ULK4: variants seen among roughly 807,000 people sequenced by gnomAD.
The protein encoded by ULK4 is inactive serine/threonine-protein kinase ULK4.
In ULK4, 133 loss-of-function variants were observed where a neutral mutation model predicts 160.6. That is an observed-to-expected ratio of 0.83 (90% confidence interval 0.72 to 0.96). The LOEUF is 0.96. Ranked by LOEUF, ULK4 falls within the 40% of genes least tolerant of loss-of-function variation. ULK4 has a pLI of 0.00. For synonymous variants in ULK4, 534 were observed against 539.8 expected (o/e 0.99, Z 0.15); for missense variants, 1,580 against 1,499.5 (o/e 1.05, Z -0.89).
At chr3:41,558,159 A>G (rs1034174064) in intron 32 of ULK4, among the ~76,000 whole-genome samples, 3 of 152,178 alleles carry the variant, frequency 2.0e-5, no homozygotes, top group Non-Finnish European at 4.4e-5. Flanking sequence ...ATACATGTAT[A>G]AAACTATTCA....
chr3:41,916,856 T>G (rs1698985848), intron 7 of ULK4, among the ~76,000 whole-genome samples: 1 of 152,018 alleles, frequency 6.6e-6, no homozygotes, highest in South Asian at 2.1e-4. Context: ...TACAGGCATG[T>G]GCCACCATGC....
intron 32 of ULK4, among the ~76,000 whole-genome samples, chr3:41,497,057 T>C (rs2085018524): frequency 8.5e-6 from 1 of 117,752 alleles, no homozygotes; most frequent in Non-Finnish European, 1.9e-5. Context: ...AAAAAAAAGA[T>C]ATTAAATAGA....
intron 21 of ULK4, among the ~76,000 whole-genome samples, chr3:41,780,458 A>T (rs1439195812): frequency 6.6e-6 from 1 of 152,162 alleles, no homozygotes. Flanking sequence ...TTTAGAGTCA[A>T]CGAAGCACAC....
chr3:41,825,715 A>G (rs1235308403), intron 18 of ULK4, among the ~76,000 whole-genome samples: 4 of 152,320 alleles, frequency 2.6e-5, no homozygotes, highest in South Asian at 2.1e-4. Flanking sequence ...GGAGAATGGA[A>G]CCAAGCTGGA....
chr3:41,608,262 G>A (rs932053154), intron 31 of ULK4, among the ~76,000 whole-genome samples: 1 of 152,024 alleles, frequency 6.6e-6, no homozygotes, highest in Non-Finnish European at 1.5e-5. Flanking sequence ...TTGCAGCTCT[G>A]GGTAAGCACA....
At chr3:41,480,961 C>T (rs574632800) in intron 32 of ULK4, among the ~76,000 whole-genome samples, 18 of 152,246 alleles carry the variant, frequency 1.2e-4, no homozygotes, top group African/African-American at 4.3e-4. Flanking sequence ...CAGGTCCCTC[C>T]CATGACATGT....
chr3:41,878,086 A>G (rs865817813), intron 17 of ULK4, among the ~76,000 whole-genome samples: 6,556 of 150,828 alleles, frequency 0.043, 456 homozygotes, highest in African/African-American at 0.15. Context: ...ACCAGGAAAA[A>G]AAAAAAAAAA....
chr3:41,592,235 G>GGAGCTGAGTCAATTTAGA (rs551315830), intron 31 of ULK4, among the ~76,000 whole-genome samples: 192 of 152,294 alleles, frequency 1.3e-3, no homozygotes, highest in East Asian at 6.0e-3. Flanking sequence ...ACTTTTACCT[G>GGAGCTGAGTCAATTTAGA]GAGCTGAGTC....
Position 41,327,267 on chromosome 3 carries a change from T to C in ULK4, c.3678+70812A>G, listed in dbSNP as rs537565054. ...AACGTGTCTTGTTACAGAAAGTCCA[T>C]AGGGTACTTTCAGGAGCAAATTACA... is the stretch of plus-strand genomic sequence containing the variant. On this transcript the variant is annotated intron_variant, in intron 35 of 36. Coordinates refer to ENST00000301831, the MANE Select transcript of ULK4 (RefSeq NM_017886.4). 6.2e-4 allele frequency among the ~76,000 whole-genome samples: 95 copies of C among 152,274 alleles called. 1 individual carries two copies. The highest frequency in any genetic ancestry group is 1.8e-3 in the Admixed American group (27 of 15,294).
chr3:41,936,697 G>A (rs1016967194), intron 3 of ULK4, among the ~76,000 whole-genome samples: 10 of 152,164 alleles, frequency 6.6e-5, no homozygotes, highest in African/African-American at 2.2e-4. Context: ...TCACTCATTT[G>A]TGGGAGCTGA....
At chr3:41,304,273 CA>C (rs368282598) in intron 35 of ULK4, among the ~76,000 whole-genome samples, 79 of 89,698 alleles carry the variant, frequency 8.8e-4, no homozygotes, top group Middle Eastern at 6.3e-3. Flanking sequence ...AGCTCCCCCT[CA>C]AAAAAAAAAA....
chr3:41,791,196 G>A (rs932062115), intron 20 of ULK4, among the ~76,000 whole-genome samples: 5 of 152,066 alleles, frequency 3.3e-5, no homozygotes, highest in Admixed American at 6.6e-5. Flanking sequence ...GGGTTTCACC[G>A]TGTTAGCCAG....
chr3:41,498,556 G>C (rs1417639386), intron 32 of ULK4, among the ~76,000 whole-genome samples: 1 of 143,510 alleles, frequency 7.0e-6, no homozygotes, highest in African/African-American at 2.5e-5. Context: ...ACAAACATTA[G>C]AGAGCTTCTT....
chr3:41,565,159 G>T (rs2087741782), intron 32 of ULK4, among the ~76,000 whole-genome samples: 1 of 152,164 alleles, frequency 6.6e-6, no homozygotes, highest in East Asian at 1.9e-4. Flanking sequence ...ACAAGCTGTG[G>T]TATTCACACA....
At chr3:41,823,690 A>G (rs988929754) in intron 18 of ULK4, among the ~76,000 whole-genome samples, 2 of 152,158 alleles carry the variant, frequency 1.3e-5, no homozygotes, top group Admixed American at 6.5e-5. Flanking sequence ...CTGAGATTTT[A>G]ATGTTTATTG....
intron 35 of ULK4, among the ~76,000 whole-genome samples, chr3:41,256,937 C>G (rs1414670186): frequency 6.6e-6 from 1 of 152,114 alleles, no homozygotes; most frequent in African/African-American, 2.4e-5. Context: ...TTACTGTAAC[C>G]TCATACTCCT....
chr3:41,538,527 G>C (rs1293226199), intron 32 of ULK4, among the ~76,000 whole-genome samples: 1 of 151,950 alleles, frequency 6.6e-6, no homozygotes, highest in Non-Finnish European at 1.5e-5. Flanking sequence ...ATTTCATATG[G>C]GTCCCAGGGT....
At chr3:41,835,099 AC>A (rs2041714015) in intron 18 of ULK4, among the ~76,000 whole-genome samples, 2 of 152,122 alleles carry the variant, frequency 1.3e-5, no homozygotes, top group African/African-American at 4.8e-5. Context: ...AGTCCCAGCT[AC>A]CCAGGAGGCT....
intron 31 of ULK4, 43 bp from the exon 32 acceptor site, chr3:41,566,173 A>T (rs771649751): frequency 4.0e-6 from 6 of 1,515,324 alleles, no homozygotes; most frequent in Non-Finnish European, 5.5e-6. Context: ...ACAGAAATAC[A>T]ATTACATCAT....
Sources: gnomAD v4.1 joint callset for allele counts (sites outside exome capture counted in the v4.1 genomes callset) on GRCh38, gnomAD v4.1.1 for gene constraint, MANE v1.5 for transcripts, NCBI Gene and HGNC (gene_info 2026-07-23, HGNC 2026-07-21) for gene names.